Variants in CPSF7 observed in about 807,000 individuals in gnomAD.
CPSF7 encodes cleavage and polyadenylation specific factor 7, also known as cleavage and polyadenylation specificity factor subunit 7.
A neutral mutation model predicts 44.3 loss-of-function variants in CPSF7; 1 was observed. The observed-to-expected ratio is 0.02, with a 90% CI of 0.01 to 0.11. The LOEUF (loss-of-function observed/expected upper bound fraction) is 0.11. CPSF7 is among the 10% of genes least tolerant of loss of function. CPSF7 has a pLI of 1.00. For synonymous variants in CPSF7, 202 were observed against 222.0 expected (o/e 0.91, Z 0.80); for missense variants, 443 against 607.2 (o/e 0.73, Z 2.84).
At position 61,402,731 on chromosome 11, in the gene CPSF7, G is replaced by C. The variant is rs1484539353; in HGVS notation, c.*1979C>G. 6.6e-6 allele frequency: 1 copy of C among 152,570 alleles called. No individual in the cohort carries two copies. Among genetic ancestry groups the C allele is most frequent in the African/African-American group, 2.4e-5 (1 of 41,434 alleles). The allele number at this position is 152,570 out of a possible 1,614,324, so 9.5% of individuals were successfully genotyped here. A position where few individuals can be genotyped will look rare whatever the true frequency, so the allele number is the denominator to read the frequency against. Reference sequence around the variant, plus strand: ...AAAATACAATGCAGTATAAAAGATTGACAGCGTCATCAAGTTTATTACACA... The same window carrying C: ...AAAATACAATGCAGTATAAAAGATTCACAGCGTCATCAAGTTTATTACACA... On this transcript the variant is annotated 3_prime_UTR_variant, in exon 10 of 10. Transcript: ENST00000439958.
intron 1 of CPSF7, 69 bp downstream of exon 1, chr11:61,429,845 T>C (rs1466484154): frequency 1.3e-6 from 2 of 1,544,494 alleles, no homozygotes; most frequent in East Asian, 2.5e-5. Flanking sequence ...ACCGACCCCC[T>C]TCCCGCCTCA....
intron 7 of CPSF7, among the ~76,000 whole-genome samples, chr11:61,412,544 C>G (rs1486298815): frequency 6.6e-6 from 1 of 152,188 alleles, no homozygotes; most frequent in African/African-American, 2.4e-5. Flanking sequence ...CCGCCTTGGC[C>G]TCCCAAAGTG....
At chr11:61,412,056 T>G in intron 7 of CPSF7, 119 bp from the exon 8 acceptor site, 78 of 740,232 alleles carry the variant, frequency 1.1e-4, no homozygotes, top group Middle Eastern at 3.1e-4. Context: ...ACAACCGCGG[T>G]AAAAGAGACA....
intron 9 of CPSF7, among the ~76,000 whole-genome samples, chr11:61,409,833 C>T (rs772915467): frequency 1.3e-5 from 2 of 151,826 alleles, no homozygotes; most frequent in Non-Finnish European, 2.9e-5. Context: ...AATTAGCGGG[C>T]GTGGTGACGC....
rs1861809359 is a variant in CPSF7, at chr11:61,429,946, A to C, written c.-88T>G. On this transcript the variant is annotated 5_prime_UTR_variant, in exon 1 of 10. Transcript: ENST00000439958. ...ATGGCGGCGGCGGCGGCGAGTCCGG[A>C]CTAGGCCCGAAGCGCGCGAACCGCT... 4.3e-6 allele frequency: 6 copies of C among 1,394,758 alleles called. No homozygotes were observed. The highest frequency in any genetic ancestry group is 5.8e-6 in the Non-Finnish European group (6 of 1,038,744). 86.4% of individuals were successfully genotyped at this position (1,394,758 alleles called of 1,614,324 possible). A position where few individuals can be genotyped will look rare whatever the true frequency, so the allele number is the denominator to read the frequency against.
In CPSF7 at chr11:61,420,762, C is replaced by G. The variant is rs531790091; in HGVS notation, c.274-189G>C. On this transcript the variant is annotated intron_variant, in intron 3 of 9. Transcript: ENST00000439958. ...ACAGAATTCCAAACCCACTCACCCCCAATCTCCATCTTTAGAGATTACGAA... is the reference window on the plus strand; with the variant it reads ...ACAGAATTCCAAACCCACTCACCCCGAATCTCCATCTTTAGAGATTACGAA... The G allele has an allele frequency of 6.3e-5, 38 of 604,820 alleles. No individual in the cohort carries two copies. The East Asian group carries it at 9.7e-4, about 15-fold the overall frequency. The allele number at this position is 604,820 out of a possible 1,614,324, so 37.5% of individuals were successfully genotyped here.
chr11:61,420,180 T>C, intron 4 of CPSF7, 86 bp from the exon 5 acceptor site: 4 of 1,152,358 alleles, frequency 3.5e-6, no homozygotes, highest in South Asian at 1.5e-5. Context: ...TTAGTAAAAA[T>C]TGATAAAGCA....
Position 61,429,944 on chromosome 11 carries a change from G to A in CPSF7, c.-86C>T, listed in dbSNP as rs989738424. On this transcript the variant is annotated 5_prime_UTR_variant, in exon 1 of 10. Coordinates refer to ENST00000439958, the MANE Select transcript of CPSF7 (RefSeq NM_001142565.3). Reference sequence around the variant, plus strand: ...ATATGGCGGCGGCGGCGGCGAGTCCGGACTAGGCCCGAAGCGCGCGAACCG... The same window carrying A: ...ATATGGCGGCGGCGGCGGCGAGTCCAGACTAGGCCCGAAGCGCGCGAACCG... 4 of 1,397,598 alleles carry A rather than the reference G, an allele frequency of 2.9e-6. No homozygotes were observed. Among genetic ancestry groups the A allele is most frequent in the East Asian group, 2.6e-5 (1 of 38,678 alleles). 86.6% of individuals were successfully genotyped at this position (1,397,598 alleles called of 1,614,324 possible).
chr11:61,429,051 G>C, intron 2 of CPSF7, 131 bp downstream of exon 2: 1 of 559,516 alleles, frequency 1.8e-6, no homozygotes, highest in South Asian at 2.5e-5. Context: ...GTTTCTGCAG[G>C]AGAAAAATTT....
intron 2 of CPSF7, among the ~76,000 whole-genome samples, chr11:61,426,218 C>T (rs1488593428): frequency 6.6e-6 from 1 of 152,206 alleles, no homozygotes; most frequent in East Asian, 1.9e-4. Context: ...TGTGCATGGG[C>T]CAGCTTGGGG....
chr11:61,426,544 CCTGT>C lies in CPSF7; in HGVS notation c.54+2634_54+2637del, dbSNP rs915066008. On this transcript the variant is annotated intron_variant, in intron 2 of 9. Coordinates refer to ENST00000439958, the MANE Select transcript of CPSF7 (RefSeq NM_001142565.3). ...ATTAAAGTCCACATACTACCTTTAG[CCTGT>C]CTTAGACCCATAAAAAAGTCCTTTT... 9.2e-5 allele frequency: 14 copies of C among 152,286 alleles called. No homozygotes were observed. The East Asian group carries it at 1.5e-3, about 17-fold the overall frequency. The allele number at this position is 152,286 out of a possible 1,614,324, so 9.4% of individuals were successfully genotyped here.
intron 7 of CPSF7, among the ~76,000 whole-genome samples, 162 bp downstream of exon 7, chr11:61,415,504 A>G (rs1860239898): frequency 6.6e-6 from 1 of 152,216 alleles, no homozygotes; most frequent in South Asian, 2.1e-4. Flanking sequence ...AGCTTCCCCA[A>G]GGCCAAGAAA....
chr11:61,420,846 A>G, intron 3 of CPSF7: 1 of 522,010 alleles, frequency 1.9e-6, no homozygotes, highest in Non-Finnish European at 3.4e-6. Context: ...CAGTTCAAAC[A>G]TTGACAGCTA....
chr11:61,407,397 C>T (rs1050547249), intron 9 of CPSF7, among the ~76,000 whole-genome samples: 1 of 152,174 alleles, frequency 6.6e-6, no homozygotes, highest in Non-Finnish European at 1.5e-5. Context: ...TGTGCAGACT[C>T]AAACAAGAAA....
At chr11:61,405,134 A>G (rs1480399487) in intron 9 of CPSF7, among the ~76,000 whole-genome samples, 1 of 152,232 alleles carries the variant, frequency 6.6e-6, no homozygotes. Flanking sequence ...GGGAGGGGGA[A>G]AAATCTGGAA....
rs2135324609 is a variant in CPSF7, at chr11:61,416,232, G to A, written c.811C>T (p.Pro271Ser). 2 of 1,533,686 alleles carry A rather than the reference G, an allele frequency of 1.3e-6. No individual in the cohort carries two copies. Among genetic ancestry groups the A allele is most frequent in the East Asian group, 2.3e-5 (1 of 44,052 alleles). The change falls in exon 6 of 10, where the codon CCT becomes TCT. Residue 271 changes from proline to serine, a missense_variant. By Grantham distance (74) the Pro-to-Ser change is moderately conservative. Coordinates refer to ENST00000439958, the MANE Select transcript of CPSF7 (RefSeq NM_001142565.3). ...GCAGGTGGGATGGCCCCAGGGGGAG[G>A]TACAGCAAGATGAGGAGGTAATCGA... ...PPRLPPHLAV[P>S]PPGAIPPALH...
At chr11:61,412,511 G>T (rs532986053) in intron 7 of CPSF7, among the ~76,000 whole-genome samples, 39 of 152,208 alleles carry the variant, frequency 2.6e-4, no homozygotes, top group African/African-American at 9.2e-4. Context: ...GGATGGTCTT[G>T]ATCTCCTGAC....
intron 7 of CPSF7, among the ~76,000 whole-genome samples, chr11:61,413,276 GATGT>G (rs1417521555): frequency 1.3e-5 from 2 of 152,092 alleles, no homozygotes; most frequent in Non-Finnish European, 1.5e-5. Context: ...CCTACCATCA[GATGT>G]ATGTGTGTAT....
chr11:61,403,721 G>C lies in CPSF7; in HGVS notation c.*989C>G, dbSNP rs1456454739. 6.6e-6 allele frequency: 1 copy of C among 152,190 alleles called. No individual in the cohort carries two copies. The highest frequency in any genetic ancestry group is 1.5e-5 in the Non-Finnish European group (1 of 68,038). The allele number at this position is 152,190 out of a possible 1,614,324, so 9.4% of individuals were successfully genotyped here. ...CCTGAAAAAAGAAAAGCCTATGGAA[G>C]TAGGCCATATCCTGCCCAACTTGCT... is the stretch of plus-strand genomic sequence containing the variant. On this transcript the variant is annotated 3_prime_UTR_variant, in exon 10 of 10. Coordinates refer to ENST00000439958, the MANE Select transcript of CPSF7 (RefSeq NM_001142565.3).
Sources: allele counts gnomAD v4.1 joint callset (sites outside exome capture counted in the v4.1 genomes callset), GRCh38; gene constraint gnomAD v4.1.1; transcripts MANE v1.5; gene names NCBI Gene and HGNC (gene_info 2026-07-23, HGNC 2026-07-21).